RNF31: variants seen among roughly 807,000 people sequenced by gnomAD.
The protein encoded by RNF31 is E3 ubiquitin-protein ligase RNF31.
In RNF31, 38 loss-of-function variants were observed where a neutral mutation model predicts 133.6. The observed-to-expected ratio is 0.28, with a 90% CI of 0.22 to 0.37. The LOEUF (loss-of-function observed/expected upper bound fraction) is 0.37. Ranked by LOEUF, RNF31 falls within the 10% of genes least tolerant of loss-of-function variation. The pLI is 1.00. For synonymous variants in RNF31, 582 were observed against 552.3 expected, an observed-to-expected ratio of 1.05 and a Z score of -0.75; for missense variants, 1,118 against 1,394.1, an observed-to-expected ratio of 0.80 and a Z score of 3.15.
Position 24,150,823 on chromosome 14 carries a change from G to T in RNF31, c.1423G>T (p.Asp475Tyr). The T allele has an allele frequency of 5.7e-6, 9 of 1,592,780 alleles. No homozygotes were observed. The highest frequency in any genetic ancestry group is 7.7e-6 in the Non-Finnish European group (9 of 1,168,238). Reference sequence around the variant, plus strand: ...TGCCCCCCTGCCCAGTTCCTGTGGAGATCCTGAGAAGCAGCGCCAAGACAA... The same window carrying T: ...TGCCCCCCTGCCCAGTTCCTGTGGATATCCTGAGAAGCAGCGCCAAGACAA... Reference protein sequence around the residue: ...LSAPLPSSCGDPEKQRQDKMR... With the variant: ...LSAPLPSSCGYPEKQRQDKMR... The change falls in exon 8 of 21, where the codon GAT becomes TAT. Residue 475 changes from aspartate to tyrosine, a missense_variant. Asp to Tyr is a radical substitution (Grantham distance 160, BLOSUM62 -3). Transcript: ENST00000324103.
intron 11 of RNF31, among the ~76,000 whole-genome samples, chr14:24,153,686 C>T (rs2038301393): frequency 6.6e-6 from 1 of 151,868 alleles, no homozygotes; most frequent in African/African-American, 2.4e-5. Context: ...GGTGGATCAC[C>T]TGAGGTCAGG....
chr14:24,148,494 C>G, intron 3 of RNF31, 81 bp downstream of exon 3: 8 of 1,608,514 alleles, frequency 5.0e-6, no homozygotes, highest in Non-Finnish European at 6.0e-6. Context: ...TTGAGGACCC[C>G]CGTGCTGCTG....
chr14:24,149,089 G>A (rs938591546), intron 5 of RNF31: 57 of 609,326 alleles, frequency 9.4e-5, no homozygotes, highest in Admixed American at 2.0e-4. Context: ...TCAGCCTCCC[G>A]AGTAGCTGGG....
At chr14:24,147,079 T>G (rs2038177366), upstream of RNF31, 1 of 192,622 alleles carries the variant, frequency 5.2e-6, no homozygotes, top group Non-Finnish European at 1.1e-5. Flanking sequence ...GGGCAGGGGT[T>G]GGGTGAGGGT....
rs1368812129 is a variant in RNF31 at position 24,159,934 on chromosome 14, TC to T, written c.2972del (p.Pro991GlnfsTer17). On this transcript the variant is annotated frameshift_variant, in exon 19 of 21. Coordinates refer to ENST00000324103, the MANE Select transcript of RNF31 (RefSeq NM_017999.5). LOFTEE classifies it high-confidence loss of function. ...LRDEACGKET[P>X]AGYAGLCQAH... ...GGGACGAAGCTTGTGGCAAGGAAAC[TC>T]CAGCTGGCTATGCCGGCCTGTGCCA... The T allele has an allele frequency of 6.2e-7, 1 of 1,613,872 alleles. No homozygotes were observed. The highest frequency in any genetic ancestry group is 8.5e-7 in the Non-Finnish European group (1 of 1,180,034).
intron 14 of RNF31, 59 bp from the exon 15 acceptor site, chr14:24,157,231 C>G: frequency 7.5e-7 from 1 of 1,341,196 alleles, no homozygotes; most frequent in Admixed American, 2.3e-5. Flanking sequence ...GAGGGGCCAG[C>G]AAGAAAGGCC....
At chr14:24,159,350 C>T (rs1220166113) in intron 18 of RNF31, among the ~76,000 whole-genome samples, 1 of 118,600 alleles carries the variant, frequency 8.4e-6, no homozygotes, top group African/African-American at 4.3e-5. Flanking sequence ...GAAACTCCAT[C>T]TCAAAAAAAA....
rs757633289 is a variant in RNF31 at position 24,151,887 on chromosome 14, G to A, written c.2025G>A (p.Leu675=). The change falls in exon 11 of 21, where the codon TTG becomes TTA. Residue 675 remains leucine, a synonymous_variant. Transcript: ENST00000324103. This position sits in a 1 kb window ranked among gnomAD's most constrained non-coding sequence, Gnocchi z 5.3. The part of the protein sequence containing the change: ...LLQETPRNYE[L]GDVVEAVRHS... ...AGGAGACACCCAGGAACTATGAGTT[G>A]GGGGATGTGGTAGAAGCTGTGAGGC... The A allele has an allele frequency of 8.1e-6, 13 of 1,614,182 alleles. No homozygotes were observed. The highest frequency in any genetic ancestry group is 6.7e-5 in the Admixed American group (4 of 60,032).
chr14:24,152,117 C>A (rs143980173), intron 11 of RNF31, 125 bp downstream of exon 11: 3 of 920,828 alleles, frequency 3.3e-6, no homozygotes, highest in Non-Finnish European at 4.8e-6. Flanking sequence ...CCTGAAGGCT[C>A]CTGGGAGGGG....
Position 24,148,116 on chromosome 14 carries a change from T to C in RNF31, c.333T>C (p.Ala111=), listed in dbSNP as rs944687274. Residue 111 remains alanine (A), a synonymous_variant, in exon 2 of 21, where the codon GCT becomes GCC. Coordinates refer to ENST00000324103, the MANE Select transcript of RNF31 (RefSeq NM_017999.5). ...CTGTCTTTCGCAGCACGGTGGATGC[T>C]GTGCAGGTGAATCCCCTGGCCTTAT... is the stretch of plus-strand genomic sequence containing the variant. ...NNPVFRSTVD[A]VQGGRDVLRL... 2 of 1,614,174 alleles carry C rather than the reference T, an allele frequency of 1.2e-6. No homozygotes were observed. Among genetic ancestry groups the C allele is most frequent in the Admixed American group, 3.3e-5 (2 of 60,028 alleles).
intron 11 of RNF31, 54 bp downstream of exon 11, chr14:24,152,046 C>T: frequency 2.0e-6 from 3 of 1,510,650 alleles, no homozygotes; most frequent in Non-Finnish European, 2.7e-6. Flanking sequence ...CTTTTGGACC[C>T]CCATCCTACC....
At chr14:24,157,208 CT>C (rs1434163909) in intron 14 of RNF31, 81 bp from the exon 15 acceptor site, 44 of 1,028,070 alleles carry the variant, frequency 4.3e-5, no homozygotes, top group Non-Finnish European at 6.3e-5. Flanking sequence ...TGGGGAACCA[CT>C]GGATGTGAGT....
chr14:24,156,317 A>G (rs976031510), intron 14 of RNF31, among the ~76,000 whole-genome samples: 1 of 152,040 alleles, frequency 6.6e-6, no homozygotes, highest in African/African-American at 2.4e-5. Context: ...TTATTTATTT[A>G]TTTATTTTTA....
rs1284784029 is a variant in RNF31 at position 24,151,262 on chromosome 14, A to G, written c.1620A>G (p.Gly540=). Residue 540 remains glycine, a synonymous_variant, in exon 9 of 21, where the codon GGA becomes GGG. Transcript: ENST00000324103. The surrounding 1 kb of genome is among the most constrained non-coding windows in gnomAD (Gnocchi z 5.3). The part of the protein sequence containing the change: ...YVLEMVAELA[G]QQDPGLGAFS... The stretch of plus-strand genomic sequence containing the variant: ...TGGAGATGGTGGCTGAGCTGGCTGG[A>G]CAGCAGGACCCTGGGCTGGGTGCCT... 1.2e-6 allele frequency: 2 copies of G among 1,614,190 alleles called. No homozygotes were observed. Among genetic ancestry groups the G allele is most frequent in the African/African-American group, 1.3e-5 (1 of 75,062 alleles).
In RNF31 at chr14:24,158,175, G is replaced by T; in HGVS notation, c.2875G>T (p.Ala959Ser). The T allele has an allele frequency of 6.2e-7, 1 of 1,614,246 alleles. No homozygotes were observed. Among genetic ancestry groups the T allele is most frequent in the Non-Finnish European group, 8.5e-7 (1 of 1,180,048 alleles). The part of the protein sequence containing the change: ...NNVMFNTEPP[A>S]GARAVPGGGC... ...CGTCATGTTTAATACAGAGCCTCCA[G>T]CTGGGGCCCGGGCAGTCCCTGGAGG... The change falls in exon 18 of 21, where the codon GCT (alanine) becomes TCT (serine). Residue 959 changes from alanine (A) to serine (S), a missense_variant. Physicochemically the swap from Ala to Ser is moderately conservative, Grantham distance 99 (BLOSUM62 1). Coordinates refer to ENST00000324103, the MANE Select transcript of RNF31 (RefSeq NM_017999.5).
intron 7 of RNF31, 59 bp from the exon 8 acceptor site, chr14:24,150,539 T>C: frequency 6.3e-7 from 1 of 1,579,352 alleles, no homozygotes; most frequent in Non-Finnish European, 8.6e-7. Flanking sequence ...CAACTCCCTG[T>C]ATTTCTGTTG....
rs367636904 is a variant in RNF31, at chr14:24,157,328, C to T, written c.2532C>T (p.Phe844=). Residue 844 remains phenylalanine (F), a synonymous_variant, in exon 15 of 21, where the codon TTC becomes TTT. Transcript: ENST00000324103. The stretch of plus-strand genomic sequence containing the variant: ...ACCGAGGTCGGAGCTGTGAGGACTT[C>T]CAGAACTGGAAACGCATGAACGACC... ...EQHRGRSCED[F]QNWKRMNDPE... 135 of 1,612,428 alleles carry T rather than the reference C, an allele frequency of 8.4e-5. No individual in the cohort carries two copies. The highest frequency in any genetic ancestry group is 2.7e-4 in the South Asian group (25 of 91,014).
Position 24,148,360 on chromosome 14 carries a change from A to G in RNF31, c.442A>G (p.Thr148Ala), listed in dbSNP as rs750587665. The G allele has an allele frequency of 1.9e-6, 3 of 1,614,180 alleles. No individual in the cohort carries two copies. Among genetic ancestry groups the G allele is most frequent in the Non-Finnish European group, 1.7e-6 (2 of 1,180,004 alleles). ...GGAGCCAGATGAGCACCAGGTTGCT[A>G]CAGTCACACTGGAAGTACTGCTGCT... ...QEEPDEHQVA[T>A]VTLEVLLLRT... is the part of the protein sequence containing the mutation. Residue 148 changes from threonine to alanine, a missense_variant, in exon 3 of 21, where the codon ACA (threonine) becomes GCA (alanine). This residue lies in a region of RNF31 where 747 missense variants were observed against 827.9 expected (regional missense o/e 0.90). Transcript: ENST00000324103.
At chr14:24,158,377 T>C (rs573415527) in intron 18 of RNF31, among the ~76,000 whole-genome samples, 178 bp downstream of exon 18, 1 of 152,382 alleles carries the variant, frequency 6.6e-6, no homozygotes, top group East Asian at 1.9e-4. Flanking sequence ...ACCTTGCAGC[T>C]AAGCCATTTT....
Sources: allele counts gnomAD v4.1 joint callset (sites outside exome capture counted in the v4.1 genomes callset), GRCh38; gene constraint gnomAD v4.1.1; regional missense constraint gnomAD v4.1.1; non-coding constraint Gnocchi (gnomAD v3.1); transcripts MANE v1.5; gene names NCBI Gene and HGNC (gene_info 2026-07-23, HGNC 2026-07-21).